The following ABCB9 variants were observed in gnomAD, a reference collection of about 807,000 sequenced individuals.
ABCB9 encodes the protein ATP binding cassette subfamily B member 9, also known as ABC-type oligopeptide transporter ABCB9.
A neutral mutation model predicts 62.0 loss-of-function variants in ABCB9; 36 were observed. That is an observed-to-expected ratio of 0.58 (90% CI 0.45 to 0.77). The LOEUF is 0.77. Ranked by LOEUF, ABCB9 falls within the 30% of genes least tolerant of loss-of-function variation. The probability of loss-of-function intolerance (pLI) is 0.00; values close to 1 mark genes in which losing one functional copy is unlikely to be tolerated. For missense variants in ABCB9, 943 were observed against 1,054.7 expected, an observed-to-expected ratio of 0.89 and a Z score of 1.47; for synonymous variants, 435 against 461.4, an observed-to-expected ratio of 0.94 and a Z score of 0.73.
exon 1 of ABCB9, chr12:122,974,908 C>CG (rs1354954222): frequency 9.6e-4 from 194 of 202,196 alleles, no homozygotes; most frequent in African/African-American, 4.2e-3. Flanking sequence ...TCCGGGCAGA[C>CG]GGCGGGGGGT....
Position 122,948,803 on chromosome 12 carries a change from C to A in ABCB9, c.874G>T (p.Asp292Tyr). 6.3e-7 allele frequency: 1 copy of A among 1,588,738 alleles called. No individual in the cohort carries two copies. The highest frequency in any genetic ancestry group is 1.1e-5 in the South Asian group (1 of 87,828). ...ACCAGGTCGCTGACCATGGTGGTGT[C>A]CGAGGTCAGGCGGGAGATGAGGTCC... Reference protein sequence around the residue: ...TGDLISRLTSDTTMVSDLVSQ... With the variant: ...TGDLISRLTSYTTMVSDLVSQ... Residue 292 changes from aspartate to tyrosine, a missense_variant, in exon 5 of 12, where the codon GAC becomes TAC. Transcript: ENST00000280560.
rs377752815 is a variant in ABCB9 at position 122,950,530 on chromosome 12, T to C, written c.637A>G (p.Ile213Val). 1.2e-6 allele frequency: 2 copies of C among 1,613,250 alleles called. No individual in the cohort carries two copies. The highest frequency in any genetic ancestry group is 2.2e-5 in the East Asian group (1 of 44,882). The change falls in exon 3 of 12, where the codon ATT becomes GTT. Residue 213 changes from isoleucine (I) to valine (V), a missense_variant. Physicochemically the swap from Ile to Val is conservative, Grantham distance 29. Coordinates refer to ENST00000280560, the MANE Select transcript of ABCB9 (RefSeq NM_019625.4). ...CTTTTCTGGATGACGATGCCATCAATGGCGCGGCCCGTGTAGTAGGGCAGG... is the reference window on the plus strand; with the variant it reads ...CTTTTCTGGATGACGATGCCATCAACGGCGCGGCCCGTGTAGTAGGGCAGG... ...TFLPYYTGRA[I>V]DGIVIQKSMD...
At chr12:122,939,800 G>A (rs781577608) in intron 9 of ABCB9, 24 of 225,236 alleles carry the variant, frequency 1.1e-4, no homozygotes, top group Non-Finnish European at 1.6e-4. Flanking sequence ...CCAAAGTGCT[G>A]GGATTACAGG....
In ABCB9 at chr12:122,961,138, G is replaced by T. The variant is rs943331523; in HGVS notation, c.-87-816C>A. 1.4e-4 allele frequency among the ~76,000 whole-genome samples: 21 copies of T among 151,988 alleles called. No homozygotes were observed. The East Asian group carries it at 4.1e-3, about 29-fold the overall frequency. ...AAAAAGAGGGGGGTAAATAGGATGG[G>T]GTGAGGGTGAATAGGATAGGGGTGG... On this transcript the variant is annotated intron_variant, in intron 1 of 11. Transcript: ENST00000280560.
chr12:122,960,291 A>AG lies in ABCB9; in HGVS notation c.-57dup, dbSNP rs2036827181. 1.3e-6 allele frequency: 2 copies of AG among 1,569,774 alleles called. No individual in the cohort carries two copies. The highest frequency in any genetic ancestry group is 1.7e-6 in the Non-Finnish European group (2 of 1,156,412). On this transcript the variant is annotated 5_prime_UTR_variant, in exon 2 of 12. It removes the in-frame stop codon of an upstream open reading frame in the 5' UTR. Coordinates refer to ENST00000280560, the MANE Select transcript of ABCB9 (RefSeq NM_019625.4). ...GGCCAGGTTGTAGCTCACGGGGGCA[A>AG]GGCCATCATCATCCACAGGGCGAGG... is the stretch of plus-strand genomic sequence containing the variant.
In ABCB9 at chr12:122,944,418, G is replaced by A. The variant is rs748015331; in HGVS notation, c.1353C>T (p.Tyr451=). 28 of 1,612,186 alleles carry A rather than the reference G, an allele frequency of 1.7e-5. 1 individual carries two copies. Among genetic ancestry groups the A allele is most frequent in the Admixed American group, 1.2e-4 (7 of 59,906 alleles). The change falls in exon 7 of 12, where the codon TAC becomes TAT. Residue 451 remains tyrosine (Y), a synonymous_variant. Transcript: ENST00000280560. The surrounding 1 kb of genome is among the most constrained non-coding windows in gnomAD (Gnocchi z 4.9). The part of the protein sequence containing the change: ...TSGNLIAFII[Y]EFVLGDCMES... ...CCATACAATCTCCCAGGACAAACTCGTAGATGATGAAGGCGATGAGGTTGC... is the reference window on the plus strand; with the variant it reads ...CCATACAATCTCCCAGGACAAACTCATAGATGATGAAGGCGATGAGGTTGC...
chr12:122,937,560 C>T (rs1362887588), intron 9 of ABCB9, among the ~76,000 whole-genome samples: 7 of 152,126 alleles, frequency 4.6e-5, no homozygotes, highest in African/African-American at 9.7e-5. Flanking sequence ...GTCTGAGAAT[C>T]GAAGCGTGGT....
In ABCB9 at chr12:122,932,201, G is replaced by A. The variant is rs769621283; in HGVS notation, c.2031C>T (p.Ser677=). 7.7e-6 allele frequency: 12 copies of A among 1,552,760 alleles called. No homozygotes were observed. The highest frequency in any genetic ancestry group is 1.2e-5 in the South Asian group (1 of 84,108). The change falls in exon 11 of 12, where the codon AGC becomes AGT. Residue 677 remains serine (S), a synonymous_variant. Transcript: ENST00000280560. The surrounding 1 kb of genome is among the most constrained non-coding windows in gnomAD (Gnocchi z 4.7). ...CCACCCTGTGACTCACCAGATACTC[G>A]CTCTCGGCATCCAAAGCGCTGGTGG... ...DEATSALDAE[S]EYLIQQAIHG... is the part of the protein sequence containing the mutation.
At chr12:122,955,715 GT>G (rs1345508865) in intron 2 of ABCB9, among the ~76,000 whole-genome samples, 131 of 141,856 alleles carry the variant, frequency 9.2e-4, no homozygotes, top group East Asian at 3.6e-3. Flanking sequence ...TTGTTTTTTT[GT>G]TTTTTTTTTT....
At chr12:122,941,116 G>A in intron 7 of ABCB9, 121 bp from the exon 8 acceptor site, 3 of 1,057,202 alleles carry the variant, frequency 2.8e-6, no homozygotes, top group Non-Finnish European at 4.0e-6. Context: ...GATGCAGGAG[G>A]CCACCTGACC....
intron 1 of ABCB9, among the ~76,000 whole-genome samples, chr12:122,962,527 A>C (rs1301664418): frequency 6.6e-6 from 1 of 152,214 alleles, no homozygotes; most frequent in Non-Finnish European, 1.5e-5. Context: ...CCACGAGGCC[A>C]GGGTTTCCAT....
chr12:122,938,343 G>C (rs73408846), intron 9 of ABCB9, among the ~76,000 whole-genome samples: 3,789 of 152,086 alleles, frequency 0.025, 144 homozygotes, highest in African/African-American at 0.085. Context: ...AGATCAGCCT[G>C]GGCAACATGG....
chr12:122,950,661 CCCACT>C, intron 2 of ABCB9, 96 bp from the exon 3 acceptor site: 3 of 987,472 alleles, frequency 3.0e-6, no homozygotes, highest in Non-Finnish European at 4.5e-6. Context: ...AACCCCTCTG[CCCACT>C]CCACCGGTGG....
chr12:122,945,877 CAAAAAAAA>C (rs766455584), intron 6 of ABCB9, 140 bp downstream of exon 6: 4 of 473,350 alleles, frequency 8.5e-6, no homozygotes, highest in East Asian at 4.1e-5. Context: ...GGCTCTGTCT[CAAAAAAAA>C]AAAAAAAAAA....
At position 122,946,324 on chromosome 12, in the gene ABCB9, C is replaced by G. The variant is rs1396704747; in HGVS notation, c.1054-102G>C. ...GGGTTTTTCCACCCTTCGCTGGCACCAGCTATATGCAAGAGGTTCCTAGGA... is the reference window on the plus strand; with the variant it reads ...GGGTTTTTCCACCCTTCGCTGGCACGAGCTATATGCAAGAGGTTCCTAGGA... On this transcript the variant is annotated intron_variant, in intron 5 of 11. Coordinates refer to ENST00000280560, the MANE Select transcript of ABCB9 (RefSeq NM_019625.4). 5 of 1,156,760 alleles carry G rather than the reference C, an allele frequency of 4.3e-6. No homozygotes were observed. In the South Asian group the frequency reaches 5.3e-5, roughly 12 times the overall value. 71.7% of individuals were successfully genotyped at this position (1,156,760 alleles called of 1,614,324 possible). A position where few individuals can be genotyped will look rare whatever the true frequency, so the allele number is the denominator to read the frequency against.
In ABCB9 at chr12:122,949,811, C is replaced by A. The variant is rs765819329; in HGVS notation, c.824G>T (p.Ser275Ile). 1.2e-6 allele frequency: 2 copies of A among 1,614,216 alleles called. No homozygotes were observed. ...LFRSLVSQET[S>I]FFDENRTGDL... is the part of the protein sequence containing the mutation. The stretch of plus-strand genomic sequence containing the variant: ...ACCTGTGCGGTTCTCATCAAAGAAG[C>A]TTGTCTCCTGGGACACCAGTGAGCG... Residue 275 changes from serine (S) to isoleucine (I), a missense_variant, in exon 4 of 12, where the codon AGC becomes ATC. Physicochemically the swap from Ser to Ile is moderately radical, Grantham distance 142. Transcript: ENST00000280560.
chr12:122,929,710 A>AG lies in ABCB9; in HGVS notation c.*200dup, dbSNP rs1168373248. The AG allele has an allele frequency of 1.7e-5, 23 of 1,318,046 alleles. No homozygotes were observed. Among genetic ancestry groups the AG allele is most frequent in the Non-Finnish European group, 2.2e-5 (23 of 1,031,222 alleles). 81.6% of individuals were successfully genotyped at this position (1,318,046 alleles called of 1,614,324 possible). On this transcript the variant is annotated 3_prime_UTR_variant, in exon 12 of 12. Coordinates refer to ENST00000280560, the MANE Select transcript of ABCB9 (RefSeq NM_019625.4). The surrounding 1 kb of genome is among the most constrained non-coding windows in gnomAD (Gnocchi z 6.0). ...GGGAGGTCCGTGAAGGCGTTGGCTC[A>AG]GGGCAGCAGGGGTAAGGAGTGCCCT...
At chr12:122,958,849 A>G (rs952082463) in intron 2 of ABCB9, among the ~76,000 whole-genome samples, 5 of 151,840 alleles carry the variant, frequency 3.3e-5, no homozygotes, top group African/African-American at 1.2e-4. Flanking sequence ...CTAAAAAAAG[A>G]AAAAAACAGG....
chr12:122,950,550 G>C lies in ABCB9; in HGVS notation c.617C>G (p.Pro206Arg), dbSNP rs745350886. 6.2e-7 allele frequency: 1 copy of C among 1,612,284 alleles called. No individual in the cohort carries two copies. The highest frequency in any genetic ancestry group is 1.3e-5 in the African/African-American group (1 of 74,920). Residue 206 changes from proline (P) to arginine (R), a missense_variant, in exon 3 of 12, where the codon CCC (proline) becomes CGC (arginine). By Grantham distance (103) the Pro-to-Arg change is moderately radical. Transcript: ENST00000280560. ...ATCAATGGCGCGGCCCGTGTAGTAG[G>C]GCAGGAAGGTCTCTCCTGGGGGAGG... ...IVAALGETFL[P>R]YYTGRAIDGI... is the part of the protein sequence containing the mutation.
Sources: allele counts gnomAD v4.1 joint callset (sites outside exome capture counted in the v4.1 genomes callset), GRCh38; gene constraint gnomAD v4.1.1; non-coding constraint Gnocchi (gnomAD v3.1); transcripts MANE v1.5; gene names NCBI Gene and HGNC (gene_info 2026-07-23, HGNC 2026-07-21).